The following KIAA1671 variants were observed in gnomAD, a reference collection of about 807,000 sequenced individuals.
KIAA1671 encodes the protein KIAA1671, also known as uncharacterized protein KIAA1671.
KIAA1671 carries 52 observed loss-of-function variants against 131.2 expected under a neutral mutation model. That is an observed-to-expected ratio of 0.40 (90% CI 0.32 to 0.50). The LOEUF is 0.50. Among genes scored for constraint, KIAA1671 ranks in the 20% least tolerant of loss-of-function variants. The probability of loss-of-function intolerance (pLI) is 0.73; values close to 1 mark genes in which losing one functional copy is unlikely to be tolerated. For synonymous variants in KIAA1671, 1,003 were observed against 961.6 expected (o/e 1.04, Z -0.80); for missense variants, 2,360 against 2,364.2 (o/e 1.00, Z 0.04).
chr22:24,965,118 A>T (rs1365183332), intron 1 of KIAA1671, among the ~76,000 whole-genome samples: 2 of 142,730 alleles, frequency 1.4e-5, no homozygotes, highest in African/African-American at 2.6e-5. Context: ...AAAAAAAAAA[A>T]GGGAGACCTC....
chr22:25,038,704 T>C, intron 4 of KIAA1671, 56 bp from the exon 5 acceptor site: 1 of 1,465,564 alleles, frequency 6.8e-7, no homozygotes, highest in Non-Finnish European at 9.1e-7. Context: ...CTTTTTCCTT[T>C]CCATCTCAAA....
intron 7 of KIAA1671, among the ~76,000 whole-genome samples, chr22:25,172,011 T>C (rs762185462): frequency 4.6e-5 from 7 of 152,124 alleles, no homozygotes; most frequent in Non-Finnish European, 8.8e-5. Context: ...GAATTGAAAA[T>C]GGATAAGAAA....
At chr22:25,068,278 C>G (rs1928599278) in intron 6 of KIAA1671, among the ~76,000 whole-genome samples, 1 of 151,314 alleles carries the variant, frequency 6.6e-6, no homozygotes, top group African/African-American at 2.4e-5. Flanking sequence ...TGGGGCCAAC[C>G]CCTGACTTGT....
rs1301088479 is a variant in KIAA1671 at position 25,193,696 on chromosome 22, G to T, written c.*1295G>T. On this transcript the variant is annotated 3_prime_UTR_variant, in exon 13 of 13. Coordinates refer to ENST00000358431, the MANE Select transcript of KIAA1671 (RefSeq NM_001145206.2). ...GAAATCCTCTGTTTCTTTAGGTTAG[G>T]ATAAACACCTGGGCCCTGGTGAGGC... is the stretch of plus-strand genomic sequence containing the variant. 6.6e-6 allele frequency: 1 copy of T among 152,172 alleles called. No individual in the cohort carries two copies. Among genetic ancestry groups the T allele is most frequent in the Non-Finnish European group, 1.5e-5 (1 of 68,082 alleles). The allele number at this position is 152,172 out of a possible 1,614,324, so 9.4% of individuals were successfully genotyped here. A position where few individuals can be genotyped will look rare whatever the true frequency, so the allele number is the denominator to read the frequency against.
At chr22:25,068,603 A>G (rs1928625706) in intron 6 of KIAA1671, among the ~76,000 whole-genome samples, 1 of 151,980 alleles carries the variant, frequency 6.6e-6, no homozygotes, top group South Asian at 2.1e-4. Flanking sequence ...CGGCCGGCTA[A>G]TTTTTTATAT....
chr22:24,991,874 T>C (rs1307516259), intron 1 of KIAA1671, among the ~76,000 whole-genome samples: 1 of 152,140 alleles, frequency 6.6e-6, no homozygotes, highest in East Asian at 1.9e-4. Flanking sequence ...CGGGGATGAG[T>C]GTAAATAAGC....
chr22:25,068,443 G>GTT (rs925581733), intron 6 of KIAA1671, among the ~76,000 whole-genome samples: 1 of 146,662 alleles, frequency 6.8e-6, no homozygotes, highest in African/African-American at 2.5e-5. Flanking sequence ...TTTTTTTGTT[G>GTT]TTTTTTTTTT....
chr22:24,989,750 C>G (rs183343027), intron 1 of KIAA1671, among the ~76,000 whole-genome samples: 26 of 152,224 alleles, frequency 1.7e-4, no homozygotes, highest in Admixed American at 1.2e-3. Context: ...CCACCACTCC[C>G]CAAGAAAACA....
chr22:25,098,842 T>C (rs1445662627), intron 6 of KIAA1671, among the ~76,000 whole-genome samples: 1 of 152,182 alleles, frequency 6.6e-6, no homozygotes, highest in Non-Finnish European at 1.5e-5. Flanking sequence ...CACCCCAGCA[T>C]GGCTCCTGGA....
In KIAA1671 at chr22:25,183,244, G is replaced by C. The variant is rs184373568; in HGVS notation, c.5199+1421G>C. On this transcript the variant is annotated intron_variant, in intron 10 of 12. Coordinates refer to ENST00000358431, the MANE Select transcript of KIAA1671 (RefSeq NM_001145206.2). ...ATGCAGGCCACACAATCCCCATGTG[G>C]GAGCGCCGTGACTCTGTTGCTCCTT... 1.9e-3 allele frequency among the ~76,000 whole-genome samples: 289 copies of C among 152,296 alleles called. 1 individual carries two copies. The highest frequency in any genetic ancestry group is 6.6e-3 in the African/African-American group (276 of 41,564).
chr22:25,068,727 T>C (rs996839628), intron 6 of KIAA1671, among the ~76,000 whole-genome samples: 2 of 152,214 alleles, frequency 1.3e-5, no homozygotes, highest in East Asian at 1.9e-4. Context: ...TGAGCCACCG[T>C]GCCCAGCCCA....
chr22:25,101,235 G>A (rs1049260648), intron 6 of KIAA1671, among the ~76,000 whole-genome samples: 2 of 152,200 alleles, frequency 1.3e-5, no homozygotes, highest in Admixed American at 6.5e-5. Flanking sequence ...AGTCAGGCAG[G>A]GGAATTAGGT....
intron 6 of KIAA1671, chr22:25,112,612 T>A: frequency 2.6e-6 from 1 of 388,950 alleles, no homozygotes; most frequent in Admixed American, 4.5e-5. Flanking sequence ...TCCTGTCCCC[T>A]GTACCTGGGA....
Position 25,040,286 on chromosome 22 carries a change from G to A in KIAA1671, c.3156G>A (p.Leu1052=). 1 of 1,551,684 alleles carries A rather than the reference G, an allele frequency of 6.4e-7. No individual in the cohort carries two copies. The highest frequency in any genetic ancestry group is 2.4e-5 in the East Asian group (1 of 40,912). Residue 1052 remains leucine, a synonymous_variant, in exon 5 of 13, where the codon CTG becomes CTA. Coordinates refer to ENST00000358431, the MANE Select transcript of KIAA1671 (RefSeq NM_001145206.2). Reference sequence around the variant, plus strand: ...TTCTGTCAGGAGCTGAAAGCTTGCTGGAACATTCTAGAAAAATCACTCCAC... The same window carrying A: ...TTCTGTCAGGAGCTGAAAGCTTGCTAGAACATTCTAGAAAAATCACTCCAC... ...GVVLSGAESL[L]EHSRKITPPS...
intron 6 of KIAA1671, chr22:25,110,937 G>GGAC (rs1484574670): frequency 1.6e-4 from 24 of 152,578 alleles, no homozygotes; most frequent in Admixed American, 1.4e-3. Context: ...CCTTCCTGGG[G>GGAC]GACCTCAGAG....
intron 1 of KIAA1671, among the ~76,000 whole-genome samples, chr22:24,977,888 C>G (rs1280600006): frequency 6.6e-6 from 1 of 152,206 alleles, no homozygotes; most frequent in Non-Finnish European, 1.5e-5. Context: ...CTTAAACAAA[C>G]CAAACCAAAA....
intron 1 of KIAA1671, among the ~76,000 whole-genome samples, chr22:25,020,779 T>G (rs1215310930): frequency 7.9e-5 from 12 of 152,182 alleles, no homozygotes; most frequent in Admixed American, 3.3e-4. Flanking sequence ...ACACTGTGTT[T>G]TGTGGCCTGT....
At chr22:24,958,119 G>A (rs1357916406) in intron 1 of KIAA1671, among the ~76,000 whole-genome samples, 1 of 151,974 alleles carries the variant, frequency 6.6e-6, no homozygotes, top group Non-Finnish European at 1.5e-5. Context: ...GCTGGGATTT[G>A]AACCCAAAGC....
chr22:25,115,778 T>A (rs1036836851), intron 6 of KIAA1671, among the ~76,000 whole-genome samples: 3 of 152,134 alleles, frequency 2.0e-5, no homozygotes, highest in African/African-American at 7.2e-5. Flanking sequence ...CAGTATTTAT[T>A]TTTATTTATT....
Sources: allele counts gnomAD v4.1 joint callset (sites outside exome capture counted in the v4.1 genomes callset), GRCh38; gene constraint gnomAD v4.1.1; transcripts MANE v1.5; gene names NCBI Gene and HGNC (gene_info 2026-07-23, HGNC 2026-07-21).